LIMS4: variants seen among roughly 807,000 people sequenced by gnomAD.
The protein encoded by LIMS4 is LIM zinc finger domain containing 4.
At chr2:110,360,863 A>C in the LIMS4 span, 1 of 1,412,566 alleles carries the variant, frequency 7.1e-7, no homozygotes, top group Non-Finnish European at 9.8e-7. Flanking sequence ...CTGGACAGAG[A>C]GACGTGACAT....
At chr2:110,364,699 AAAAC>A in the LIMS4 span, among the ~76,000 whole-genome samples, 1 of 57,078 alleles carries the variant, frequency 1.8e-5, no homozygotes, top group Non-Finnish European at 3.0e-5. Context: ...CAAAAAATTA[AAAAC>A]AAACAAACAA....
At chr2:110,395,046 TGGA>T in the LIMS4 span, among the ~76,000 whole-genome samples, 1 of 143,432 alleles carries the variant, frequency 7.0e-6, no homozygotes, top group Non-Finnish European at 1.5e-5. Flanking sequence ...GGTCCTGACT[TGGA>T]GGAGTTGTTA....
the LIMS4 span, among the ~76,000 whole-genome samples, chr2:110,389,713 C>T: frequency 7.3e-6 from 1 of 137,374 alleles, no homozygotes; most frequent in Non-Finnish European, 1.5e-5. Context: ...AAGGTGCATA[C>T]CCACAGACAC....
At chr2:110,411,331 T>G in the LIMS4 span, among the ~76,000 whole-genome samples, 1 of 138,414 alleles carries the variant, frequency 7.2e-6, no homozygotes, top group African/African-American at 2.9e-5. Flanking sequence ...CTTAGAAATA[T>G]ATTTTAGGTA....
At chr2:110,425,906 C>G in the LIMS4 span, among the ~76,000 whole-genome samples, 2 of 119,606 alleles carry the variant, frequency 1.7e-5, no homozygotes, top group Non-Finnish European at 3.3e-5. Flanking sequence ...CATTGCAACA[C>G]CAGAATTGTG....
chr2:110,396,009 C>G, the LIMS4 span, among the ~76,000 whole-genome samples: 2 of 140,598 alleles, frequency 1.4e-5, no homozygotes, highest in Non-Finnish European at 3.0e-5. Context: ...TTACTTGCCT[C>G]CCCCTTCAAC....
At chr2:110,366,944 GACAC>G in the LIMS4 span, among the ~76,000 whole-genome samples, 10,140 of 123,294 alleles carry the variant, frequency 0.082, 173 homozygotes, top group East Asian at 0.15. Context: ...ATTCACAATA[GACAC>G]ACACACACAC....
chr2:110,368,955 A>C, the LIMS4 span, among the ~76,000 whole-genome samples: 7 of 129,462 alleles, frequency 5.4e-5, no homozygotes, highest in Non-Finnish European at 9.6e-5. Flanking sequence ...ACTTCCATCA[A>C]ACCCCAGAAG....
chr2:110,376,046 G>A, the LIMS4 span: 15 of 90,620 alleles, frequency 1.7e-4, no homozygotes, highest in Admixed American at 5.9e-4. Context: ...GGAAAGAATC[G>A]GGTCCCTGCC....
the LIMS4 span, among the ~76,000 whole-genome samples, chr2:110,367,622 C>A: frequency 6.9e-6 from 1 of 144,168 alleles, no homozygotes; most frequent in African/African-American, 2.8e-5. Context: ...ACTATAAAAA[C>A]TCCCAGCACT....
At chr2:110,425,585 T>A in the LIMS4 span, among the ~76,000 whole-genome samples, 1 of 141,368 alleles carries the variant, frequency 7.1e-6, no homozygotes, top group Admixed American at 6.9e-5. Context: ...ATCCTGGATT[T>A]ATCTGGGTTG....
the LIMS4 span, among the ~76,000 whole-genome samples, chr2:110,410,541 T>A: frequency 8.2e-6 from 1 of 121,966 alleles, no homozygotes; most frequent in Non-Finnish European, 1.7e-5. Flanking sequence ...GAGAGAGAGA[T>A]TACAAATAGG....
intron 5 of LIMS4, among the ~76,000 whole-genome samples, chr2:110,453,635 G>A (rs1356587148): frequency 6.6e-6 from 1 of 152,170 alleles, no homozygotes; most frequent in Non-Finnish European, 1.5e-5. Flanking sequence ...CCACCTCCCG[G>A]GTTCCTGCCA....
the LIMS4 span, chr2:110,386,962 C>T: frequency 1.7e-5 from 11 of 660,586 alleles, no homozygotes; most frequent in Non-Finnish European, 2.7e-5. Context: ...TCAGGGACCC[C>T]CCTGAGCTCC....
chr2:110,442,701 CGTTGTTGTT>C (rs1227262112), downstream of LIMS4, among the ~76,000 whole-genome samples: 1 of 150,498 alleles, frequency 6.6e-6, no homozygotes, highest in Non-Finnish European at 1.5e-5. Context: ...TTGTTGTTGT[CGTTGTTGTT>C]GTTGTTGAGA....
the LIMS4 span, among the ~76,000 whole-genome samples, chr2:110,391,085 T>A: frequency 6.7e-6 from 1 of 148,478 alleles, no homozygotes; most frequent in Non-Finnish European, 1.5e-5. Flanking sequence ...AGGACAGACA[T>A]TAGTTTGTCC....
the LIMS4 span, among the ~76,000 whole-genome samples, chr2:110,385,205 CTAAA>C: frequency 6.6e-6 from 1 of 150,788 alleles, no homozygotes; most frequent in Non-Finnish European, 1.5e-5. Context: ...CCCATGGGGC[CTAAA>C]CAAACAAACA....
the LIMS4 span, among the ~76,000 whole-genome samples, chr2:110,379,086 G>T: frequency 6.7e-6 from 1 of 148,672 alleles, no homozygotes; most frequent in African/African-American, 2.6e-5. Context: ...CACAAAGTTG[G>T]AGTAGGCTAA....
the LIMS4 span, among the ~76,000 whole-genome samples, chr2:110,425,529 C>T: frequency 7.2e-6 from 1 of 139,748 alleles, no homozygotes; most frequent in South Asian, 2.2e-4. Flanking sequence ...GGCAAAAGAG[C>T]CTTGTGGACA....
Sources: allele counts gnomAD v4.1 joint callset (sites outside exome capture counted in the v4.1 genomes callset), GRCh38; gene constraint gnomAD v4.1.1; transcripts MANE v1.5; gene names NCBI Gene and HGNC (gene_info 2026-07-23, HGNC 2026-07-21).